Variants in ZNF8 observed in about 807,000 individuals in gnomAD.
ZNF8 encodes the protein zinc finger protein 272.
In ZNF8, 9 loss-of-function variants were observed where a neutral mutation model predicts 12.2. The observed-to-expected ratio is 0.73, with a 90% CI of 0.44 to 1.28. ZNF8 has a LOEUF of 1.28. ZNF8 is among the 50% of genes most tolerant of loss of function. ZNF8 has a pLI of 0.00. For missense variants in ZNF8, 664 were observed against 729.1 expected (o/e 0.91, Z 1.03); for synonymous variants, 274 against 282.3 (o/e 0.97, Z 0.30).
At chr19:58,291,100 T>C (rs2051416742) in intron 3 of ZNF8, among the ~76,000 whole-genome samples, 1 of 152,178 alleles carries the variant, frequency 6.6e-6, no homozygotes, top group East Asian at 1.9e-4. Flanking sequence ...TCACAGGGGT[T>C]TGTGGGCTCA....
intron 3 of ZNF8, chr19:58,286,675 T>C (rs981841467): frequency 1.3e-5 from 2 of 153,448 alleles, no homozygotes; most frequent in African/African-American, 4.8e-5. Flanking sequence ...TAAACCACTC[T>C]CATCAGTTAG....
chr19:58,291,517 G>A (rs936052330), intron 3 of ZNF8, among the ~76,000 whole-genome samples: 2 of 152,084 alleles, frequency 1.3e-5, no homozygotes, highest in Admixed American at 6.6e-5. Flanking sequence ...CTGTGTTTTC[G>A]TCCGTGTTGT....
rs1226201283 is a variant in ZNF8 at position 58,301,215 on chromosome 19, C to G, written c.*5679C>G. ...AGACTAGTCTCTGCTTCCCTGATCCCTTTCCTGGAGGCTGTTTCCACTTGC... is the reference window on the plus strand; with the variant it reads ...AGACTAGTCTCTGCTTCCCTGATCCGTTTCCTGGAGGCTGTTTCCACTTGC... On this transcript the variant is annotated 3_prime_UTR_variant, in exon 4 of 4. Transcript: ENST00000621650. 1 of 152,272 alleles carries G rather than the reference C, an allele frequency of 6.6e-6. No homozygotes were observed. Among genetic ancestry groups the G allele is most frequent in the African/African-American group, 2.4e-5 (1 of 41,448 alleles). The allele number at this position is 152,272 out of a possible 1,614,324, so 9.4% of individuals were successfully genotyped here.
intron 1 of ZNF8, among the ~76,000 whole-genome samples, chr19:58,281,143 G>T (rs1300450319): frequency 6.6e-6 from 1 of 152,172 alleles, no homozygotes; most frequent in Admixed American, 6.5e-5. Context: ...CCAGTATTCA[G>T]TGATGAGAAG....
intron 1 of ZNF8, chr19:58,279,651 A>G (rs974293682): frequency 1.3e-6 from 2 of 1,533,660 alleles, no homozygotes; most frequent in Non-Finnish European, 8.7e-7. Context: ...GGGGGCAATG[A>G]TGGGTCACCA....
intron 3 of ZNF8, among the ~76,000 whole-genome samples, chr19:58,290,108 CTTTTT>C (rs773199651): frequency 1.4e-5 from 1 of 73,424 alleles, no homozygotes; most frequent in African/African-American, 5.8e-5. Context: ...TTTCAAGATT[CTTTTT>C]TTTTTTTTTT....
At chr19:58,281,946 C>A (rs914898631) in intron 1 of ZNF8, among the ~76,000 whole-genome samples, 1 of 152,038 alleles carries the variant, frequency 6.6e-6, no homozygotes, top group African/African-American at 2.4e-5. Context: ...AACCCCATCT[C>A]TACTAAAAGT....
intron 3 of ZNF8, among the ~76,000 whole-genome samples, chr19:58,287,068 C>T (rs1048623223): frequency 1.3e-5 from 2 of 152,170 alleles, no homozygotes; most frequent in Non-Finnish European, 2.9e-5. Flanking sequence ...AAGACAGGGT[C>T]TCACTCTATC....
At chr19:58,289,535 A>T (rs1475639942) in intron 3 of ZNF8, among the ~76,000 whole-genome samples, 2 of 150,772 alleles carry the variant, frequency 1.3e-5, no homozygotes, top group Non-Finnish European at 3.0e-5. Flanking sequence ...TTATTTTCTT[A>T]TAGTTGTGGA....
At chr19:58,293,843 C>A (rs1293225501) in intron 3 of ZNF8, among the ~76,000 whole-genome samples, 1 of 152,234 alleles carries the variant, frequency 6.6e-6, no homozygotes, top group Non-Finnish European at 1.5e-5. Flanking sequence ...TTTTAAGTTA[C>A]AGCAGCAAAC....
intron 3 of ZNF8, 102 bp downstream of exon 3, chr19:58,286,307 C>G: frequency 1.1e-6 from 1 of 916,106 alleles, no homozygotes; most frequent in Non-Finnish European, 1.7e-6. Flanking sequence ...TGAAGACCAC[C>G]CCATTCACTA....
At chr19:58,284,232 A>G (rs1431283269) in intron 1 of ZNF8, among the ~76,000 whole-genome samples, 1 of 152,114 alleles carries the variant, frequency 6.6e-6, no homozygotes, top group Non-Finnish European at 1.5e-5. Context: ...CTCGAGAAAA[A>G]AAAAATAATA....
rs2051492990 is a variant in ZNF8 at position 58,301,806 on chromosome 19, A to C, written c.*6270A>C. On this transcript the variant is annotated 3_prime_UTR_variant, in exon 4 of 4. Coordinates refer to ENST00000621650, the MANE Select transcript of ZNF8 (RefSeq NM_021089.3). ...GAAGGTTCTTATACATCTTCTATGA[A>C]GGGCAGTTTATCAGTCACTAAATTA... 2 of 152,218 alleles carry C rather than the reference A, an allele frequency of 1.3e-5. No homozygotes were observed. Among genetic ancestry groups the C allele is most frequent in the South Asian group, 4.1e-4 (2 of 4,826 alleles). The allele number at this position is 152,218 out of a possible 1,614,324, so 9.4% of individuals were successfully genotyped here.
At chr19:58,292,437 A>T (rs1401622695) in intron 3 of ZNF8, among the ~76,000 whole-genome samples, 1 of 152,122 alleles carries the variant, frequency 6.6e-6, no homozygotes, top group Non-Finnish European at 1.5e-5. Context: ...TTCTTCTTAT[A>T]AGATCACTAA....
chr19:58,283,475 C>T (rs1013349894), intron 1 of ZNF8, among the ~76,000 whole-genome samples: 17 of 152,044 alleles, frequency 1.1e-4, no homozygotes, highest in Non-Finnish European at 2.2e-4. Flanking sequence ...CCTGAGCTGG[C>T]ACACTCTTGC....
chr19:58,283,041 G>A (rs1263988305), intron 1 of ZNF8, among the ~76,000 whole-genome samples: 1 of 149,894 alleles, frequency 6.7e-6, no homozygotes, highest in Non-Finnish European at 1.5e-5. Flanking sequence ...GCGGTGGCAT[G>A]ATCTTGGCTT....
In ZNF8 at chr19:58,294,059, T is replaced by C; in HGVS notation, c.290-39T>C. The C allele has an allele frequency of 1.3e-6, 2 of 1,550,108 alleles. No individual in the cohort carries two copies. Among genetic ancestry groups the C allele is most frequent in the Non-Finnish European group, 1.7e-6 (2 of 1,146,334 alleles). On this transcript the variant is annotated intron_variant, in intron 3 of 3. Transcript: ENST00000621650. The surrounding 1 kb of genome is among the most constrained non-coding windows in gnomAD (Gnocchi z 5.5). ...GGAGGCCTGTCCCCCTTCCGTTTTT[T>C]TCTCCCAACAGCTCAGAGATCTTTG...
chr19:58,284,029 C>T (rs1280203286), intron 1 of ZNF8, among the ~76,000 whole-genome samples: 1 of 152,026 alleles, frequency 6.6e-6, no homozygotes, highest in East Asian at 1.9e-4. Flanking sequence ...TCGACACCAG[C>T]CTGGCCAACA....
At chr19:58,280,895 C>A (rs2051347247) in intron 1 of ZNF8, among the ~76,000 whole-genome samples, 1 of 152,196 alleles carries the variant, frequency 6.6e-6, no homozygotes, top group South Asian at 2.1e-4. Context: ...ATCATATTGC[C>A]TTATGTCTTC....
Sources: allele counts gnomAD v4.1 joint callset (sites outside exome capture counted in the v4.1 genomes callset), GRCh38; gene constraint gnomAD v4.1.1; non-coding constraint Gnocchi (gnomAD v3.1); transcripts MANE v1.5; gene names NCBI Gene and HGNC (gene_info 2026-07-23, HGNC 2026-07-21).